The following RET variants were observed in gnomAD, a reference collection of about 807,000 sequenced individuals.
RET encodes the protein ret proto-oncogene.
RET carries 19 observed loss-of-function variants against 118.3 expected under a neutral mutation model. The observed-to-expected ratio is 0.16, with a 90% CI of 0.11 to 0.24. RET has a LOEUF of 0.24. Ranked by LOEUF, RET falls within the 10% of genes least tolerant of loss-of-function variation. The pLI is 1.00. For synonymous variants in RET, 597 were observed against 644.1 expected (o/e 0.93, Z 1.11); for missense variants, 1,219 against 1,502.1 (o/e 0.81, Z 3.12).
At chr10:43,077,847 C>G (rs1194870390) in intron 1 of RET, among the ~76,000 whole-genome samples, 3 of 152,236 alleles carry the variant, frequency 2.0e-5, no homozygotes, top group African/African-American at 7.2e-5. Flanking sequence ...TTCGGAGGCT[C>G]TTTTGAAAAG....
At chr10:43,111,521 G>A (rs2132779718) in intron 7 of RET, 56 bp downstream of exon 7, 2 of 1,567,500 alleles carry the variant, frequency 1.3e-6, no homozygotes, top group African/African-American at 1.3e-5. Flanking sequence ...CTGGAGCCTG[G>A]GCCTCCTGCC....
At chr10:43,108,117 G>A (rs1038827376) in intron 5 of RET, among the ~76,000 whole-genome samples, 4 of 152,022 alleles carry the variant, frequency 2.6e-5, no homozygotes, top group Non-Finnish European at 5.9e-5. Flanking sequence ...AGACCGAGGC[G>A]GGTGGATTGT....
At chr10:43,093,107 A>G (rs2132606574) in intron 1 of RET, among the ~76,000 whole-genome samples, 1 of 152,324 alleles carries the variant, frequency 6.6e-6, no homozygotes, top group Non-Finnish European at 1.5e-5. Context: ...GCAGGAAGGT[A>G]GGCACCCTGT....
intron 14 of RET, 61 bp downstream of exon 14, chr10:43,119,806 G>C (rs954221709): frequency 6.5e-7 from 1 of 1,538,684 alleles, no homozygotes; most frequent in Non-Finnish European, 8.9e-7. Flanking sequence ...GACCCACCAC[G>C]CCCCTGCCAC....
At position 43,128,881 on chromosome 10, in the gene RET, C is replaced by G. The variant is rs1180521462; in HGVS notation, c.*612C>G. Reference sequence around the variant, plus strand: ...AATGATTTTTTTTAAATCATGCAACCTTTCCTTAGGAAGACATTTGGTTTT... The same window carrying G: ...AATGATTTTTTTTAAATCATGCAACGTTTCCTTAGGAAGACATTTGGTTTT... On this transcript the variant is annotated 3_prime_UTR_variant, in exon 20 of 20. Transcript: ENST00000355710. 1 of 238,556 alleles carries G rather than the reference C, an allele frequency of 4.2e-6. No homozygotes were observed. The highest frequency in any genetic ancestry group is 8.2e-6 in the Non-Finnish European group (1 of 121,256). The allele number at this position is 238,556 out of a possible 1,614,324, so 14.8% of individuals were successfully genotyped here.
intron 15 of RET, among the ~76,000 whole-genome samples, chr10:43,120,730 G>A (rs999855388): frequency 2.6e-5 from 4 of 152,198 alleles, no homozygotes; most frequent in Non-Finnish European, 5.9e-5. Flanking sequence ...CCAAGTCTAT[G>A]AAACAGGCAG....
intron 1 of RET, among the ~76,000 whole-genome samples, chr10:43,082,018 A>T (rs370085832): frequency 9.3e-4 from 142 of 152,212 alleles, no homozygotes; most frequent in African/African-American, 3.2e-3. Context: ...CGCTGAGACA[A>T]TGAGGCCTGA....
intron 1 of RET, among the ~76,000 whole-genome samples, chr10:43,100,218 A>T (rs1242641744): frequency 6.6e-6 from 1 of 152,086 alleles, no homozygotes; most frequent in East Asian, 1.9e-4. Flanking sequence ...GGCTTGGATG[A>T]TTGAGAATAG....
chr10:43,089,665 C>T (rs1041495682), intron 1 of RET, among the ~76,000 whole-genome samples: 21 of 152,192 alleles, frequency 1.4e-4, no homozygotes, highest in Middle Eastern at 3.2e-3. Context: ...TCGGGGAGCC[C>T]GCCCCCACAT....
At chr10:43,087,144 G>A (rs553804068) in intron 1 of RET, among the ~76,000 whole-genome samples, 3 of 152,358 alleles carry the variant, frequency 2.0e-5, no homozygotes, top group Admixed American at 2.0e-4. Context: ...GACTGGATGT[G>A]TGAGAAGAGC....
chr10:43,108,804 C>A (rs944162514), intron 5 of RET, among the ~76,000 whole-genome samples: 1 of 152,202 alleles, frequency 6.6e-6, no homozygotes, highest in Admixed American at 6.5e-5. Context: ...CACACACAGG[C>A]TGCCTCAAAT....
intron 1 of RET, among the ~76,000 whole-genome samples, chr10:43,093,460 G>A (rs529966953): frequency 6.6e-6 from 1 of 152,178 alleles, no homozygotes; most frequent in Non-Finnish European, 1.5e-5. Context: ...CCAAACTGAG[G>A]CAAAGGAGTA....
intron 12 of RET, among the ~76,000 whole-genome samples, chr10:43,117,833 GTAAC>G (rs999320250): frequency 6.6e-6 from 1 of 152,214 alleles, no homozygotes; most frequent in Non-Finnish European, 1.5e-5. Flanking sequence ...GGTCTTCTTG[GTAAC>G]TAACGGAGTG....
At position 43,095,514 on chromosome 10, in the gene RET, C is replaced by T. The variant is rs967012020; in HGVS notation, c.74-4945C>T. Among the ~76,000 whole-genome samples, 8 of 152,218 alleles carry T rather than the reference C, an allele frequency of 5.3e-5. No homozygotes were observed. In the South Asian group the frequency reaches 1.5e-3, roughly 28 times the overall value. Reference sequence around the variant, plus strand: ...TGTGGATTGACAAGGTGTGTGCACGCGCACATGTGGGACGAGGGGGCTCAG... The same window carrying T: ...TGTGGATTGACAAGGTGTGTGCACGTGCACATGTGGGACGAGGGGGCTCAG... On this transcript the variant is annotated intron_variant, in intron 1 of 19. Coordinates refer to ENST00000355710, the MANE Select transcript of RET (RefSeq NM_020975.6).
chr10:43,111,815 T>TGTAG (rs1347735681), intron 7 of RET, among the ~76,000 whole-genome samples: 12 of 152,198 alleles, frequency 7.9e-5, no homozygotes, highest in African/African-American at 2.9e-4. Flanking sequence ...GTATCTGAAA[T>TGTAG]GTAGGTCCCA....
intron 2 of RET, 93 bp from the exon 3 acceptor site, chr10:43,102,249 T>C: frequency 6.6e-7 from 1 of 1,515,914 alleles, no homozygotes; most frequent in African/African-American, 1.4e-5. Flanking sequence ...GGGACCAGGG[T>C]TTACACCAGC....
rs2132957809 is a variant in RET, at chr10:43,120,065, C to G, written c.2608-16C>G. ...CCTGGCCATGGCCTGACGACTCGTGCTATTTTTCCTCACAGCTCGTTCATC... is the reference window on the plus strand; with the variant it reads ...CCTGGCCATGGCCTGACGACTCGTGGTATTTTTCCTCACAGCTCGTTCATC... On this transcript the variant is annotated splice_polypyrimidine_tract_variant and intron_variant, in intron 14 of 19. Coordinates refer to ENST00000355710, the MANE Select transcript of RET (RefSeq NM_020975.6). The G allele has an allele frequency of 2.5e-6, 4 of 1,613,314 alleles. No individual in the cohort carries two copies. The highest frequency in any genetic ancestry group is 3.4e-6 in the Non-Finnish European group (4 of 1,179,804).
At chr10:43,117,250 A>G (rs923506391) in intron 12 of RET, among the ~76,000 whole-genome samples, 3 of 152,246 alleles carry the variant, frequency 2.0e-5, no homozygotes, top group African/African-American at 7.2e-5. Context: ...GTGAACAGCC[A>G]GGCTGAATGG....
chr10:43,090,320 T>C (rs1245133519), intron 1 of RET, among the ~76,000 whole-genome samples: 1 of 152,148 alleles, frequency 6.6e-6, no homozygotes, highest in Non-Finnish European at 1.5e-5. Flanking sequence ...AATCGTCACT[T>C]GGAAACCAGT....
Sources: gnomAD v4.1 joint callset for allele counts (sites outside exome capture counted in the v4.1 genomes callset) on GRCh38, gnomAD v4.1.1 for gene constraint, MANE v1.5 for transcripts, NCBI Gene and HGNC (gene_info 2026-07-23, HGNC 2026-07-21) for gene names.